NDUFAF2: variants seen among roughly 807,000 people sequenced by gnomAD.
NDUFAF2 encodes NADH dehydrogenase [ubiquinone] 1 alpha subcomplex assembly factor 2.
NDUFAF2 carries 13 observed loss-of-function variants against 22.8 expected under a neutral mutation model. The ratio of observed to expected loss-of-function variants is 0.57; its 90% CI spans 0.37 to 0.91. The LOEUF is 0.91. NDUFAF2 is among the 40% of genes least tolerant of loss of function. NDUFAF2 has a pLI of 0.01. For missense variants in NDUFAF2, 162 were observed against 195.2 expected (o/e 0.83, Z 1.01); for synonymous variants, 53 against 64.2 (o/e 0.83, Z 0.84).
intron 1 of NDUFAF2, among the ~76,000 whole-genome samples, chr5:61,053,174 G>C (rs1486183907): frequency 6.6e-6 from 1 of 152,172 alleles, no homozygotes; most frequent in Non-Finnish European, 1.5e-5. Context: ...CTGGATCTTT[G>C]AATGACTGCA....
At chr5:61,127,615 A>G (rs1446930664) in intron 3 of NDUFAF2, among the ~76,000 whole-genome samples, 3 of 152,192 alleles carry the variant, frequency 2.0e-5, no homozygotes, top group African/African-American at 7.2e-5. Flanking sequence ...AATACCTCTC[A>G]ATACATTAGG....
intron 1 of NDUFAF2, among the ~76,000 whole-genome samples, chr5:61,009,763 C>T (rs977308832): frequency 6.6e-6 from 1 of 152,016 alleles, no homozygotes; most frequent in Admixed American, 6.6e-5. Flanking sequence ...TCCATTCTCC[C>T]TATGTTCTGA....
chr5:61,032,972 C>CT (rs1487130419), intron 1 of NDUFAF2, among the ~76,000 whole-genome samples: 1 of 151,960 alleles, frequency 6.6e-6, no homozygotes, highest in African/African-American at 2.4e-5. Context: ...TCCACCATCT[C>CT]TTTTTTCTCA....
chr5:61,109,518 GT>G (rs1752809018), intron 3 of NDUFAF2, among the ~76,000 whole-genome samples: 1 of 152,144 alleles, frequency 6.6e-6, no homozygotes, highest in Non-Finnish European at 1.5e-5. Flanking sequence ...GGGAATTCTT[GT>G]CATGTTTTAG....
At chr5:61,108,373 A>G (rs1752794803) in intron 3 of NDUFAF2, among the ~76,000 whole-genome samples, 2 of 150,736 alleles carry the variant, frequency 1.3e-5, no homozygotes, top group East Asian at 3.9e-4. Flanking sequence ...TTGTTTCCTG[A>G]CTTTTTAATG....
chr5:61,123,893 ATG>A (rs1337952474), intron 3 of NDUFAF2, among the ~76,000 whole-genome samples: 3 of 152,102 alleles, frequency 2.0e-5, no homozygotes, highest in African/African-American at 4.8e-5. Flanking sequence ...AATATGCCAT[ATG>A]ATCTGACCCT....
At chr5:60,990,270 T>C (rs1471488) in intron 1 of NDUFAF2, among the ~76,000 whole-genome samples, 63,779 of 151,936 alleles carry the variant, frequency 0.42, 14,003 homozygotes, top group East Asian at 0.81. Context: ...TATTGTACTT[T>C]TCACAATAAC....
At chr5:61,120,649 C>G (rs1193564608) in intron 3 of NDUFAF2, among the ~76,000 whole-genome samples, 1 of 152,020 alleles carries the variant, frequency 6.6e-6, no homozygotes. Flanking sequence ...TAGATATACT[C>G]CTGCTCACGT....
chr5:61,090,277 C>T (rs951724896), intron 2 of NDUFAF2, among the ~76,000 whole-genome samples: 25 of 151,886 alleles, frequency 1.6e-4, no homozygotes, highest in Non-Finnish European at 5.9e-5. Flanking sequence ...TTTTATGGGC[C>T]ACTTAGTCAG....
intron 1 of NDUFAF2, among the ~76,000 whole-genome samples, chr5:61,005,042 C>G (rs1751347931): frequency 6.6e-6 from 1 of 152,018 alleles, no homozygotes; most frequent in African/African-American, 2.4e-5. Flanking sequence ...CACCCATTAA[C>G]TTGTCATTTA....
chr5:61,080,069 A>G (rs966207109), intron 2 of NDUFAF2, among the ~76,000 whole-genome samples: 2 of 151,464 alleles, frequency 1.3e-5, no homozygotes, highest in Non-Finnish European at 2.9e-5. Context: ...TTTTTTTTTT[A>G]ACATACCTTA....
intron 3 of NDUFAF2, chr5:61,146,185 T>G (rs955121338): frequency 1.3e-5 from 2 of 152,228 alleles, no homozygotes; most frequent in African/African-American, 2.4e-5. Context: ...TTGAGAAGTT[T>G]GCTTGGCAGT....
At chr5:61,010,164 C>T (rs570373833) in intron 1 of NDUFAF2, among the ~76,000 whole-genome samples, 6 of 152,054 alleles carry the variant, frequency 3.9e-5, no homozygotes, top group Non-Finnish European at 8.8e-5. Flanking sequence ...CCTTGTTCTC[C>T]TGTAATCCAG....
At chr5:61,078,395 G>A (rs1173533965) in intron 2 of NDUFAF2, among the ~76,000 whole-genome samples, 1 of 152,110 alleles carries the variant, frequency 6.6e-6, no homozygotes, top group Non-Finnish European at 1.5e-5. Flanking sequence ...AAAATAGTCT[G>A]TTTTAAGAAG....
In NDUFAF2 at chr5:61,069,788, C is replaced by T. The variant is rs532960291; in HGVS notation, c.128-3337C>T. 8.5e-5 allele frequency among the ~76,000 whole-genome samples: 13 copies of T among 152,166 alleles called. No individual in the cohort carries two copies. The South Asian group carries it at 2.5e-3, about 29-fold the overall frequency. On this transcript the variant is annotated intron_variant, in intron 1 of 3. Coordinates refer to ENST00000296597, the MANE Select transcript of NDUFAF2 (RefSeq NM_174889.5). Reference sequence around the variant, plus strand: ...CACCTTTTATTATGTTTTCTTCCTTCCTTTCTTTCTTTTTTTAAAATTAAA... The same window carrying T: ...CACCTTTTATTATGTTTTCTTCCTTTCTTTCTTTCTTTTTTTAAAATTAAA...
intron 3 of NDUFAF2, among the ~76,000 whole-genome samples, chr5:61,103,317 C>T (rs1184431015): frequency 1.3e-5 from 2 of 152,068 alleles, no homozygotes; most frequent in African/African-American, 4.8e-5. Context: ...TCTCCTTCTC[C>T]CATCAACTGG....
At chr5:61,028,207 C>T (rs1450594268) in intron 1 of NDUFAF2, among the ~76,000 whole-genome samples, 1 of 152,002 alleles carries the variant, frequency 6.6e-6, no homozygotes, top group Non-Finnish European at 1.5e-5. Context: ...AAGTGAGTAA[C>T]ATTATAGAGT....
chr5:61,016,546 C>G (rs1369351383), intron 1 of NDUFAF2, among the ~76,000 whole-genome samples: 1 of 152,092 alleles, frequency 6.6e-6, no homozygotes, highest in African/African-American at 2.4e-5. Context: ...AAGCTTTCTT[C>G]TTTTTTCACT....
At chr5:60,974,264 A>G (rs1750873153) in intron 1 of NDUFAF2, among the ~76,000 whole-genome samples, 1 of 152,176 alleles carries the variant, frequency 6.6e-6, no homozygotes, top group Non-Finnish European at 1.5e-5. Context: ...GCCCTCAAAC[A>G]TTAGACTCCA....
Sources: gnomAD v4.1 joint callset for allele counts (sites outside exome capture counted in the v4.1 genomes callset) on GRCh38, gnomAD v4.1.1 for gene constraint, MANE v1.5 for transcripts, NCBI Gene and HGNC (gene_info 2026-07-23, HGNC 2026-07-21) for gene names.